The following TBK1 variants were observed in gnomAD, a reference collection of about 807,000 sequenced individuals.
TBK1 encodes the protein serine/threonine-protein kinase TBK1.
TBK1 carries 37 observed loss-of-function variants against 99.9 expected under a neutral mutation model. The observed-to-expected ratio is 0.37, with a 90% CI of 0.28 to 0.49. TBK1 has a LOEUF of 0.49. Among genes scored for constraint, TBK1 ranks in the 20% least tolerant of loss-of-function variants. The pLI is 0.98. For synonymous variants in TBK1, 258 were observed against 279.8 expected (o/e 0.92, Z 0.78); for missense variants, 644 against 872.5 (o/e 0.74, Z 3.30).
intron 6 of TBK1, among the ~76,000 whole-genome samples, chr12:64,479,217 T>A (rs1214862601): frequency 2.0e-5 from 3 of 152,258 alleles, no homozygotes; most frequent in African/African-American, 7.2e-5. Context: ...TAAACTTTTT[T>A]AAAACTTGTA....
intron 13 of TBK1, among the ~76,000 whole-genome samples, chr12:64,492,432 G>A (rs1271077141): frequency 6.6e-6 from 1 of 152,050 alleles, no homozygotes; most frequent in Non-Finnish European, 1.5e-5. Flanking sequence ...TCAGCCTCCC[G>A]AGTAGCTGGG....
chr12:64,496,511 A>G, intron 16 of TBK1, 105 bp downstream of exon 16: 1 of 555,364 alleles, frequency 1.8e-6, no homozygotes, highest in Non-Finnish European at 2.9e-6. Flanking sequence ...TTAAAAATAC[A>G]TTTTAATCTT....
chr12:64,478,793 A>G (rs2040739196), intron 6 of TBK1, among the ~76,000 whole-genome samples: 1 of 152,204 alleles, frequency 6.6e-6, no homozygotes, highest in African/African-American at 2.4e-5. Context: ...TTTTCTCATT[A>G]CACATAAATT....
intron 3 of TBK1, among the ~76,000 whole-genome samples, chr12:64,463,332 A>AT (rs2040568501): frequency 6.6e-6 from 1 of 151,804 alleles, no homozygotes; most frequent in Non-Finnish European, 1.5e-5. Context: ...GTGAGCCGAG[A>AT]TCGCGCCACT....
intron 13 of TBK1, among the ~76,000 whole-genome samples, chr12:64,492,897 GTT>G (rs539329815): frequency 1.9e-4 from 22 of 113,596 alleles, no homozygotes; most frequent in African/African-American, 2.0e-4. Context: ...AATTTTGTTT[GTT>G]TTTTTTTTTT....
chr12:64,454,757 A>G (rs1164693164), intron 1 of TBK1, among the ~76,000 whole-genome samples: 2 of 143,712 alleles, frequency 1.4e-5, no homozygotes, highest in Non-Finnish European at 3.0e-5. Flanking sequence ...GCTCACTGCA[A>G]GCTCCGCCTC....
intron 5 of TBK1, among the ~76,000 whole-genome samples, chr12:64,468,440 G>A (rs1466667054): frequency 1.3e-5 from 2 of 151,356 alleles, no homozygotes; most frequent in Admixed American, 6.6e-5. Flanking sequence ...TCAGTGAGCC[G>A]AGATCGTGCC....
chr12:64,488,390 T>C, intron 11 of TBK1, 97 bp from the exon 12 acceptor site: 2 of 603,104 alleles, frequency 3.3e-6, no homozygotes, highest in Non-Finnish European at 5.6e-6. Flanking sequence ...AATATTGTTA[T>C]AAAATGTTTT....
intron 5 of TBK1, among the ~76,000 whole-genome samples, chr12:64,473,141 G>GT (rs2040678276): frequency 1.3e-5 from 2 of 152,204 alleles, no homozygotes; most frequent in Admixed American, 6.5e-5. Context: ...GAGGAAACAA[G>GT]TTTAAGTGGG....
At chr12:64,496,866 A>G (rs1185556985) in intron 16 of TBK1, 83 bp from the exon 17 acceptor site, 2 of 882,440 alleles carry the variant, frequency 2.3e-6, no homozygotes, top group Non-Finnish European at 3.5e-6. Context: ...GGAAAGATAC[A>G]TTTCATATAT....
intron 5 of TBK1, among the ~76,000 whole-genome samples, chr12:64,472,658 TA>T (rs1173922582): frequency 6.9e-5 from 2 of 28,904 alleles, no homozygotes; most frequent in African/African-American, 1.4e-4. Context: ...GTGACTATGG[TA>T]TTAGTGCAGA....
chr12:64,463,653 C>T (rs1330692664), intron 3 of TBK1, among the ~76,000 whole-genome samples: 4 of 145,316 alleles, frequency 2.8e-5, no homozygotes, highest in Non-Finnish European at 6.0e-5. Flanking sequence ...GAGCCAAGAT[C>T]GTACCATTGC....
At chr12:64,493,500 G>A (rs563899065) in intron 13 of TBK1, among the ~76,000 whole-genome samples, 10 of 152,116 alleles carry the variant, frequency 6.6e-5, no homozygotes, top group Non-Finnish European at 1.5e-4. Flanking sequence ...AGTGGCAGAC[G>A]CTTGTAATCC....
chr12:64,452,674 C>T (rs995829216), intron 1 of TBK1: 2 of 152,174 alleles, frequency 1.3e-5, no homozygotes, highest in African/African-American at 4.8e-5. Context: ...AGAGACGTTT[C>T]CTTAGAGTTT....
At chr12:64,499,760 C>T (rs571708479) in intron 20 of TBK1, among the ~76,000 whole-genome samples, 3 of 135,966 alleles carry the variant, frequency 2.2e-5, no homozygotes, top group Non-Finnish European at 3.0e-5. Context: ...TGCAGTGGCG[C>T]GATCTTGGCT....
At chr12:64,460,148 ATAT>A (rs2040530709) in intron 2 of TBK1, 38 bp from the exon 3 acceptor site, 1 of 1,323,814 alleles carries the variant, frequency 7.6e-7, no homozygotes, top group South Asian at 1.7e-5. Flanking sequence ...CTCTTTTACA[ATAT>A]TATGAATAAA....
chr12:64,477,779 C>T (rs942216343), intron 6 of TBK1, among the ~76,000 whole-genome samples: 1 of 152,118 alleles, frequency 6.6e-6, no homozygotes, highest in African/African-American at 2.4e-5. Flanking sequence ...ATTGGTTTGT[C>T]ATAGATGGCT....
chr12:64,454,118 TTTTC>T (rs200157077), intron 1 of TBK1, among the ~76,000 whole-genome samples: 2,274 of 152,298 alleles, frequency 0.015, 45 homozygotes, highest in African/African-American at 0.051. Context: ...ACATTATTAC[TTTTC>T]TTTATTTTAA....
At chr12:64,476,449 C>T (rs556054116) in intron 6 of TBK1, among the ~76,000 whole-genome samples, 42 of 152,238 alleles carry the variant, frequency 2.8e-4, no homozygotes, top group Non-Finnish European at 5.3e-4. Flanking sequence ...TGAGCCACCA[C>T]ACCCGGCGCA....
Sources: gnomAD v4.1 joint callset for allele counts (sites outside exome capture counted in the v4.1 genomes callset) on GRCh38, gnomAD v4.1.1 for gene constraint, MANE v1.5 for transcripts, NCBI Gene and HGNC (gene_info 2026-07-23, HGNC 2026-07-21) for gene names.